Variants in EXOC4 observed in about 807,000 individuals in gnomAD.
EXOC4 encodes the protein SEC8-like 1.
In EXOC4, 71 loss-of-function variants were observed where a neutral mutation model predicts 107.2. The ratio of observed to expected loss-of-function variants is 0.66; its 90% CI spans 0.55 to 0.81. The LOEUF (loss-of-function observed/expected upper bound fraction) is 0.81. Among genes scored for constraint, EXOC4 ranks in the 30% least tolerant of loss-of-function variants. EXOC4 has a pLI of 0.00. For missense variants in EXOC4, 1,108 were observed against 1,189.6 expected, an observed-to-expected ratio of 0.93 and a Z score of 1.01; for synonymous variants, 456 against 441.2, an observed-to-expected ratio of 1.03 and a Z score of -0.42.
intron 6 of EXOC4, among the ~76,000 whole-genome samples, chr7:133,362,481 TC>T (rs527753686): frequency 3.3e-5 from 5 of 152,258 alleles, no homozygotes; most frequent in African/African-American, 4.8e-5. Flanking sequence ...TGCCACATTT[TC>T]TAAAACTCTT....
At chr7:133,283,257 T>C (rs1313933318) in intron 2 of EXOC4, among the ~76,000 whole-genome samples, 1 of 152,108 alleles carries the variant, frequency 6.6e-6, no homozygotes. Flanking sequence ...TACTTTTTTG[T>C]GGAGATGGGT....
At chr7:133,733,165 G>A (rs1218572776) in intron 10 of EXOC4, 2 of 169,398 alleles carry the variant, frequency 1.2e-5, no homozygotes, top group Non-Finnish European at 2.6e-5. Flanking sequence ...TATATTGAAT[G>A]TAGCTGCTTT....
intron 9 of EXOC4, among the ~76,000 whole-genome samples, chr7:133,598,603 G>A (rs916647683): frequency 1.3e-5 from 2 of 152,168 alleles, no homozygotes; most frequent in African/African-American, 4.8e-5. Flanking sequence ...GTCTACTTTT[G>A]CAACTGTACA....
chr7:133,651,154 C>T (rs866124830), intron 10 of EXOC4, among the ~76,000 whole-genome samples: 9 of 151,956 alleles, frequency 5.9e-5, no homozygotes, highest in African/African-American at 9.7e-5. Context: ...TGTAATAAAA[C>T]GTCCCTTTCT....
intron 2 of EXOC4, among the ~76,000 whole-genome samples, chr7:133,286,057 G>A (rs1030291374): frequency 6.6e-6 from 1 of 151,988 alleles, no homozygotes; most frequent in African/African-American, 2.4e-5. Flanking sequence ...CACTGAGCAG[G>A]CAGTTTTTTA....
At chr7:133,335,207 A>C (rs1037268875) in intron 5 of EXOC4, among the ~76,000 whole-genome samples, 1 of 152,186 alleles carries the variant, frequency 6.6e-6, no homozygotes, top group African/African-American at 2.4e-5. Flanking sequence ...ATTTTTTTTA[A>C]TGTTTTAAAA....
intron 9 of EXOC4, among the ~76,000 whole-genome samples, chr7:133,505,809 G>A (rs923280696): frequency 5.3e-5 from 8 of 152,058 alleles, no homozygotes; most frequent in South Asian, 2.1e-4. Context: ...AGTTATAAAT[G>A]ATTTGTAGCT....
At chr7:133,425,110 C>A (rs949172322) in intron 7 of EXOC4, among the ~76,000 whole-genome samples, 1 of 152,096 alleles carries the variant, frequency 6.6e-6, no homozygotes, top group African/African-American at 2.4e-5. Flanking sequence ...ACAGGAACTT[C>A]AAAGACAGTG....
At chr7:134,052,418 C>CT (rs943312358) in intron 17 of EXOC4, among the ~76,000 whole-genome samples, 55 of 150,104 alleles carry the variant, frequency 3.7e-4, no homozygotes, top group Admixed American at 3.2e-3. Context: ...TAGGGTTAAT[C>CT]TTACAAAAAG....
In EXOC4 at chr7:133,686,015, A is replaced by G. The variant is rs138047611; in HGVS notation, c.1514+55874A>G. On this transcript the variant is annotated intron_variant, in intron 10 of 17. Coordinates refer to ENST00000253861, the MANE Select transcript of EXOC4 (RefSeq NM_021807.4). ...ATTTAAGATAACCGCCTCTAATTCT[A>G]TCTATGTTGCTGCAATAGACATGAT... is the stretch of plus-strand genomic sequence containing the variant. Among the ~76,000 whole-genome samples the G allele has an allele frequency of 3.3e-3, 500 of 152,226 alleles. 4 individuals are homozygous for G. Among genetic ancestry groups the G allele is most frequent in the African/African-American group, 0.011 (477 of 41,550 alleles).
At chr7:133,887,310 T>C (rs1799107779) in intron 11 of EXOC4, among the ~76,000 whole-genome samples, 1 of 152,246 alleles carries the variant, frequency 6.6e-6, no homozygotes, top group African/African-American at 2.4e-5. Flanking sequence ...AGATTTATTC[T>C]GTGTATTAAC....
chr7:133,590,187 A>C (rs1801507772), intron 9 of EXOC4, among the ~76,000 whole-genome samples: 1 of 152,150 alleles, frequency 6.6e-6, no homozygotes, highest in African/African-American at 2.4e-5. Context: ...GGGCATGCTC[A>C]GGCAAGACCT....
At chr7:133,353,504 A>G (rs1795956756) in intron 5 of EXOC4, among the ~76,000 whole-genome samples, 1 of 152,116 alleles carries the variant, frequency 6.6e-6, no homozygotes, top group South Asian at 2.1e-4. Flanking sequence ...CTGATGAGAA[A>G]TCTGTGGATA....
rs191489058 is a variant in EXOC4, at chr7:133,926,702, T to C, written c.2027+8964T>C. 6.6e-5 allele frequency among the ~76,000 whole-genome samples: 10 copies of C among 152,300 alleles called. No homozygotes were observed. The East Asian group carries it at 1.7e-3, about 26-fold the overall frequency. On this transcript the variant is annotated intron_variant, in intron 13 of 17. Transcript: ENST00000253861. ...AATGAAACATAAAAATGATATAAAATAAATTACATAGATTTTGGGTAGAGG... is the reference window on the plus strand; with the variant it reads ...AATGAAACATAAAAATGATATAAAACAAATTACATAGATTTTGGGTAGAGG...
chr7:133,738,926 G>C (rs2151126207), intron 10 of EXOC4, among the ~76,000 whole-genome samples: 1 of 152,270 alleles, frequency 6.6e-6, no homozygotes. Context: ...TTATAAAATA[G>C]ATGGATTACT....
intron 1 of EXOC4, among the ~76,000 whole-genome samples, chr7:133,260,045 T>TTG (rs1375056888): frequency 6.6e-6 from 1 of 152,184 alleles, no homozygotes; most frequent in Non-Finnish European, 1.5e-5. Flanking sequence ...ACTTTTTTTT[T>TTG]TGTGTGTGTA....
intron 14 of EXOC4, among the ~76,000 whole-genome samples, chr7:133,994,387 A>G (rs1395780330): frequency 2.6e-5 from 4 of 152,176 alleles, no homozygotes; most frequent in Admixed American, 6.5e-5. Context: ...CATTAAGACA[A>G]GTACCTAATG....
intron 11 of EXOC4, among the ~76,000 whole-genome samples, chr7:133,883,320 C>CT (rs61066187): frequency 0.018 from 2,326 of 132,180 alleles, 41 homozygotes; most frequent in African/African-American, 0.048. Flanking sequence ...ATGAGAATTG[C>CT]TTTTTTTTTT....
intron 10 of EXOC4, among the ~76,000 whole-genome samples, chr7:133,723,177 G>A (rs1447665079): frequency 6.6e-6 from 1 of 152,200 alleles, no homozygotes; most frequent in Non-Finnish European, 1.5e-5. Flanking sequence ...GGGATTCACA[G>A]CAAAAATAAA....
Sources: allele counts gnomAD v4.1 joint callset (sites outside exome capture counted in the v4.1 genomes callset), GRCh38; gene constraint gnomAD v4.1.1; transcripts MANE v1.5; gene names NCBI Gene and HGNC (gene_info 2026-07-23, HGNC 2026-07-21).